Variants in NUP153 observed in about 807,000 individuals in gnomAD.
The protein encoded by NUP153 is nuclear pore complex protein Nup153.
NUP153 carries 27 observed loss-of-function variants against 134.6 expected under a neutral mutation model. That is an observed-to-expected ratio of 0.20 (90% CI 0.15 to 0.28). The LOEUF is 0.28. Among genes scored for constraint, NUP153 ranks in the 10% least tolerant of loss-of-function variants. The pLI, the probability that NUP153 is intolerant of heterozygous loss-of-function variation, is 1.00. For missense variants in NUP153, 1,821 were observed against 1,731.3 expected, an observed-to-expected ratio of 1.05 and a Z score of -0.92; for synonymous variants, 640 against 623.5, an observed-to-expected ratio of 1.03 and a Z score of -0.40.
chr6:17,651,256 CTG>C (rs1561875804), intron 11 of NUP153, among the ~76,000 whole-genome samples: 1 of 152,094 alleles, frequency 6.6e-6, no homozygotes, highest in Non-Finnish European at 1.5e-5. Context: ...TGGGCCATGA[CTG>C]TGCCACTGCA....
intron 2 of NUP153, among the ~76,000 whole-genome samples, chr6:17,679,225 ATG>A (rs1456167000): frequency 6.6e-6 from 1 of 152,214 alleles, no homozygotes; most frequent in Non-Finnish European, 1.5e-5. Context: ...ACACAAAAAA[ATG>A]TGTTTCTAGG....
At chr6:17,641,513 G>T (rs1207839593) in intron 14 of NUP153, among the ~76,000 whole-genome samples, 1 of 152,000 alleles carries the variant, frequency 6.6e-6, no homozygotes, top group Non-Finnish European at 1.5e-5. Context: ...CCAGCCTGGT[G>T]ACAGAGCGAG....
At chr6:17,681,558 G>A (rs955385464) in intron 2 of NUP153, among the ~76,000 whole-genome samples, 2 of 152,052 alleles carry the variant, frequency 1.3e-5, no homozygotes, top group Non-Finnish European at 2.9e-5. Flanking sequence ...CTCCAGCCTG[G>A]GCGACAGAGC....
At chr6:17,646,340 T>C (rs1212446458) in intron 13 of NUP153, among the ~76,000 whole-genome samples, 186 bp from the exon 14 acceptor site, 4 of 152,160 alleles carry the variant, frequency 2.6e-5, no homozygotes, top group African/African-American at 9.6e-5. Flanking sequence ...CCCGAGCAGC[T>C]GGGACTACAG....
In NUP153 at chr6:17,674,966, G is replaced by A; in HGVS notation, c.791C>T (p.Thr264Ile). ...AGCAGCTGCTGCCCCACCGTATGTT[G>A]TTTTTCCAGGATAAAAAGGAGAATC... ...LGDSPFYPGKTTYGGAAAAVR... is the reference protein window; with the variant it reads ...LGDSPFYPGKITYGGAAAAVR... Residue 264 changes from threonine to isoleucine, a missense_variant, in exon 5 of 22, where the codon ACA (threonine) becomes ATA (isoleucine). Transcript: ENST00000262077. 6.2e-7 allele frequency: 1 copy of A among 1,613,618 alleles called. No individual in the cohort carries two copies. Among genetic ancestry groups the A allele is most frequent in the Non-Finnish European group, 8.5e-7 (1 of 1,179,708 alleles).
In NUP153 at chr6:17,637,342, T is replaced by A. The variant is rs1237191611; in HGVS notation, c.2275A>T (p.Thr759Ser). The A allele has an allele frequency of 1.2e-6, 2 of 1,614,164 alleles. No individual in the cohort carries two copies. Among genetic ancestry groups the A allele is most frequent in the Non-Finnish European group, 1.7e-6 (2 of 1,180,036 alleles). The change falls in exon 16 of 22, where the codon ACA becomes TCA. Residue 759 changes from threonine (T) to serine (S), a missense_variant. Transcript: ENST00000262077. Reference protein sequence around the residue: ...KPGTCVKRALTLTVVSESAET... With the variant: ...KPGTCVKRALSLTVVSESAET... ...GCACTTTCCGAAACCACTGTCAATG[T>A]AAGGGCTCGCTTCACACAAGTTCCA...
chr6:17,631,229 T>A (rs1038600747), intron 17 of NUP153, among the ~76,000 whole-genome samples: 1 of 144,874 alleles, frequency 6.9e-6, no homozygotes, highest in Admixed American at 6.9e-5. Flanking sequence ...GCAAAACAGA[T>A]TTCAATCATA....
intron 1 of NUP153, among the ~76,000 whole-genome samples, chr6:17,705,280 ATAAG>A (rs2150257429): frequency 6.6e-6 from 1 of 152,236 alleles, no homozygotes; most frequent in East Asian, 1.9e-4. Flanking sequence ...CTTTATTAAA[ATAAG>A]TTAACATTTT....
rs61174546 is a variant in NUP153, at chr6:17,701,726, C to G, written c.111+4551G>C. ...GCCTGCGCCTGTAATCCCAGCTACT[C>G]AAGAGCTGAGGCAGGAGAGCTGCTT... On this transcript the variant is annotated intron_variant, in intron 1 of 21. Transcript: ENST00000262077. Among the ~76,000 whole-genome samples the G allele has an allele frequency of 1.6e-4, 24 of 149,340 alleles. No homozygotes were observed. In the East Asian group the frequency reaches 4.3e-3, roughly 27 times the overall value.
Position 17,629,242 on chromosome 6 carries a change from G to T in NUP153, c.2957C>A (p.Ser986Tyr). The T allele has an allele frequency of 1.9e-6, 3 of 1,613,284 alleles. No homozygotes were observed. The highest frequency in any genetic ancestry group is 2.5e-6 in the Non-Finnish European group (3 of 1,179,802). ...AGAAACTGGGTTGCTTAAACCAGAAGAAAGTCCAAACTTAAAATTATCATT... is the reference window on the plus strand; with the variant it reads ...AGAAACTGGGTTGCTTAAACCAGAATAAAGTCCAAACTTAAAATTATCATT... ...SKNDNFKFGL[S>Y]SGLSNPVSLT... The change falls in exon 18 of 22, where the codon TCT becomes TAT. Residue 986 changes from serine to tyrosine, a missense_variant. By Grantham distance (144) the Ser-to-Tyr change is moderately radical. Transcript: ENST00000262077.
At chr6:17,665,099 C>T (rs1447801768) in intron 9 of NUP153, 140 bp downstream of exon 9, 1 of 399,674 alleles carries the variant, frequency 2.5e-6, no homozygotes, top group Non-Finnish European at 4.3e-6. Context: ...TAAAAGCATA[C>T]CAATTCATAA....
At chr6:17,618,208 T>C (rs1419974673) in intron 20 of NUP153, among the ~76,000 whole-genome samples, 1 of 152,164 alleles carries the variant, frequency 6.6e-6, no homozygotes, top group Non-Finnish European at 1.5e-5. Context: ...ATAAACCAGA[T>C]AAATCTACAA....
At chr6:17,662,097 C>T (rs533537454) in intron 9 of NUP153, 27 bp from the exon 10 acceptor site, 210 of 1,601,812 alleles carry the variant, frequency 1.3e-4, no homozygotes, top group Middle Eastern at 1.7e-4. Flanking sequence ...CACATATTTA[C>T]GTTTGCTTAT....
chr6:17,639,220 G>T (rs1257813107), intron 15 of NUP153, among the ~76,000 whole-genome samples: 2 of 152,060 alleles, frequency 1.3e-5, no homozygotes, highest in East Asian at 3.9e-4. Flanking sequence ...TGGAACTACA[G>T]GTGCATGCCA....
intron 2 of NUP153, among the ~76,000 whole-genome samples, chr6:17,681,440 C>CTA (rs1768575199): frequency 6.6e-6 from 1 of 152,026 alleles, no homozygotes; most frequent in Admixed American, 6.6e-5. Flanking sequence ...AAAAAATTAG[C>CTA]CGGGTGTGGT....
intron 20 of NUP153, among the ~76,000 whole-genome samples, chr6:17,617,598 T>C (rs1283864341): frequency 1.3e-5 from 2 of 152,054 alleles, no homozygotes; most frequent in Non-Finnish European, 2.9e-5. Context: ...ATCCTAGCAC[T>C]TTGGGAGGCC....
intron 1 of NUP153, among the ~76,000 whole-genome samples, chr6:17,693,375 A>C (rs1002863861): frequency 2.6e-5 from 4 of 152,076 alleles, no homozygotes; most frequent in Non-Finnish European, 5.9e-5. Flanking sequence ...ATGGGAGTAA[A>C]GAGAGGTCTT....
At chr6:17,653,289 T>C (rs993758739) in intron 11 of NUP153, among the ~76,000 whole-genome samples, 1 of 151,836 alleles carries the variant, frequency 6.6e-6, no homozygotes, top group African/African-American at 2.4e-5. Flanking sequence ...CAAAAAAAGA[T>C]ACACAAATGG....
chr6:17,627,951 CA>C (rs1765026098), intron 18 of NUP153, among the ~76,000 whole-genome samples: 1 of 152,098 alleles, frequency 6.6e-6, no homozygotes, highest in Non-Finnish European at 1.5e-5. Context: ...GATATTTCCC[CA>C]AAACTTCTTA....
Sources: gnomAD v4.1 joint callset for allele counts (sites outside exome capture counted in the v4.1 genomes callset) on GRCh38, gnomAD v4.1.1 for gene constraint, MANE v1.5 for transcripts, NCBI Gene and HGNC (gene_info 2026-07-23, HGNC 2026-07-21) for gene names.